The following ALPK3 variants were observed in gnomAD, a reference collection of about 807,000 sequenced individuals.
ALPK3 encodes alpha kinase 3.
Under a neutral mutation model 140.0 loss-of-function variants are expected in ALPK3, and 102 were observed. The ratio of observed to expected loss-of-function variants is 0.73; its 90% CI spans 0.62 to 0.86. The LOEUF is 0.86. Among genes scored for constraint, ALPK3 ranks in the 40% least tolerant of loss-of-function variants. The pLI is 0.00. For missense variants in ALPK3, 2,254 were observed against 2,208.2 expected, an observed-to-expected ratio of 1.02 and a Z score of -0.42; for synonymous variants, 938 against 898.5, an observed-to-expected ratio of 1.04 and a Z score of -0.79.
intron 9 of ALPK3, among the ~76,000 whole-genome samples, 155 bp downstream of exon 9, chr15:84,860,227 G>A (rs1027209822): frequency 1.3e-5 from 2 of 152,156 alleles, no homozygotes; most frequent in African/African-American, 4.8e-5. Context: ...GAGGAGGACT[G>A]CTGTATCAGA....
In ALPK3 at chr15:84,873,077, C is replaced by G. The variant is rs553033588; in HGVS notation, c.*4621C>G. On this transcript the variant is annotated 3_prime_UTR_variant, in exon 14 of 14. Transcript: ENST00000258888. ...GAGCGCCCTATTTTGTTCCTTCTGT[C>G]TATCTCTGTTGCTGAGATCAGGGAG... 6.6e-6 allele frequency: 1 copy of G among 152,300 alleles called. No individual in the cohort carries two copies. The highest frequency in any genetic ancestry group is 1.9e-4 in the East Asian group (1 of 5,182). The allele number at this position is 152,300 out of a possible 1,614,324, so 9.4% of individuals were successfully genotyped here.
Position 84,869,559 on chromosome 15 carries a change from G to C in ALPK3, c.*1103G>C, listed in dbSNP as rs1018362058. ...GGTGGAGGGGAGTCTCTGTGCCTGG[G>C]AATTAGGACCCCTGCTCCAACCATC... On this transcript the variant is annotated 3_prime_UTR_variant, in exon 14 of 14. Transcript: ENST00000258888. 7.9e-5 allele frequency: 12 copies of C among 152,254 alleles called. No individual in the cohort carries two copies. Among genetic ancestry groups the C allele is most frequent in the African/African-American group, 2.9e-4 (12 of 41,422 alleles). The allele number at this position is 152,254 out of a possible 1,614,324, so 9.4% of individuals were successfully genotyped here.
At chr15:84,848,312 A>G (rs35433082) in intron 5 of ALPK3, among the ~76,000 whole-genome samples, 5 of 152,130 alleles carry the variant, frequency 3.3e-5, no homozygotes, top group African/African-American at 1.2e-4. Context: ...TAAGACAAAT[A>G]CAACATAAAG....
chr15:84,840,362 G>C lies in ALPK3; in HGVS notation c.1083G>C (p.Val361=). 5 of 1,613,550 alleles carry C rather than the reference G, an allele frequency of 3.1e-6. No homozygotes were observed. Among genetic ancestry groups the C allele is most frequent in the Non-Finnish European group, 4.2e-6 (5 of 1,179,784 alleles). The part of the protein sequence containing the change: ...EPDSCGTQGP[V]GVEQVQTQPR... ...ACTCCTGTGGGACTCAGGGGCCCGT[G>C]GGCGTGGAGCAGGTTCAGACCCAGC... The change falls in exon 5 of 14, where the codon GTG becomes GTC. Residue 361 remains valine (V), a synonymous_variant. Transcript: ENST00000258888.
Position 84,846,904 on chromosome 15 carries a change from G to A in ALPK3, c.1653+5972G>A, listed in dbSNP as rs1963737290. On this transcript the variant is annotated intron_variant, in intron 5 of 13. Transcript: ENST00000258888. ...CTCAGCCTCCTGAGGGAGTAGCTGG[G>A]ATTACAGACGTGTGCCGCTACACTT... is the stretch of plus-strand genomic sequence containing the variant. Among the ~76,000 whole-genome samples the A allele has an allele frequency of 3.3e-5, 5 of 152,102 alleles. No homozygotes were observed. In the South Asian group the frequency reaches 1.0e-3, roughly 32 times the overall value.
chr15:84,844,849 T>C (rs1297861640), intron 5 of ALPK3, among the ~76,000 whole-genome samples: 3 of 151,184 alleles, frequency 2.0e-5, no homozygotes, highest in Non-Finnish European at 4.4e-5. Context: ...AGAGCGAGAC[T>C]CCGTCTCAAA....
chr15:84,867,490 A>G, intron 13 of ALPK3, 125 bp downstream of exon 13: 1 of 1,085,950 alleles, frequency 9.2e-7, no homozygotes, highest in Non-Finnish European at 1.4e-6. Context: ...AGACACACCC[A>G]TGGCCATGTG....
intron 11 of ALPK3, 96 bp downstream of exon 11, chr15:84,863,736 G>A (rs554299052): frequency 2.0e-5 from 24 of 1,206,146 alleles, no homozygotes; most frequent in Middle Eastern, 2.6e-4. Flanking sequence ...GGCATCCTGC[G>A]TTATGCCCAT....
At position 84,827,546 on chromosome 15, in the gene ALPK3, C is replaced by T. The variant is rs369383271; in HGVS notation, c.245C>T (p.Thr82Met). The T allele has an allele frequency of 1.0e-4, 165 of 1,614,212 alleles. 5 individuals are homozygous for T. The South Asian group carries it at 1.0e-3, about 10-fold the overall frequency. The part of the protein sequence containing the change: ...TEETQPLFET[T>M]LKSRSVSEDS... Reference sequence around the variant, plus strand: ...GAGACCCAGCCGCTATTTGAGACCACGCTCAAGTCCCGGTCTGTGTCCGAG... The same window carrying T: ...GAGACCCAGCCGCTATTTGAGACCATGCTCAAGTCCCGGTCTGTGTCCGAG... The change falls in exon 3 of 14, where the codon ACG (threonine) becomes ATG (methionine). Residue 82 changes from threonine (T) to methionine (M), a missense_variant. By Grantham distance (81) the Thr-to-Met change is moderately conservative. Coordinates refer to ENST00000258888, the MANE Select transcript of ALPK3 (RefSeq NM_020778.5).
Position 84,864,579 on chromosome 15 carries a change from G to C in ALPK3, c.4637G>C (p.Ser1546Thr), listed in dbSNP as rs373750743. The part of the protein sequence containing the change: ...GCAEAPTASG[S>T]SEAMQKCQTF... ...GCTGAGGCTCCGACAGCATCTGGCA[G>C]CTCTGAGGCCATGCAGAAATGCCAG... Residue 1546 changes from serine (S) to threonine (T), a missense_variant, in exon 12 of 14, where the codon AGC (serine) becomes ACC (threonine). Ser to Thr is a moderately conservative substitution (Grantham distance 58). Transcript: ENST00000258888. 4.9e-5 allele frequency: 79 copies of C among 1,614,118 alleles called. No individual in the cohort carries two copies. Among genetic ancestry groups the C allele is most frequent in the Non-Finnish European group, 6.5e-5 (77 of 1,180,056 alleles).
chr15:84,840,287 C>A lies in ALPK3; in HGVS notation c.1008C>A (p.Ala336=), dbSNP rs973211789. The change falls in exon 5 of 14, where the codon GCC becomes GCA. Residue 336 remains alanine (A), a synonymous_variant. Coordinates refer to ENST00000258888, the MANE Select transcript of ALPK3 (RefSeq NM_020778.5). ...GLRKPELEKA[A]QSRRSSENCI... is the part of the protein sequence containing the mutation. ...GGAAGCCAGAGTTAGAGAAGGCAGCCCAAAGCCGCCGTTCTTCAGAAAACT... is the reference window on the plus strand; with the variant it reads ...GGAAGCCAGAGTTAGAGAAGGCAGCACAAAGCCGCCGTTCTTCAGAAAACT... 6.8e-6 allele frequency: 11 copies of A among 1,613,914 alleles called. No individual in the cohort carries two copies. Among genetic ancestry groups the A allele is most frequent in the Non-Finnish European group, 9.3e-6 (11 of 1,180,016 alleles).
chr15:84,859,266 C>T lies in ALPK3; in HGVS notation c.3841C>T (p.Arg1281Trp), dbSNP rs370816513. Residue 1281 changes from arginine (R) to tryptophan (W), a missense_variant, in exon 7 of 14, where the codon CGG (arginine) becomes TGG (tryptophan). This residue lies in a region of ALPK3 where 2,088 missense variants were observed against 2,022.9 expected (regional missense o/e 1.03). Transcript: ENST00000258888. ...AGCCCCACAGGTGATCCGGAAGATT[C>T]GGGTGGAGCAGTTTCCTGATGCCTC... ...LKAPQVIRKI[R>W]VEQFPDASGS... 36 of 1,614,010 alleles carry T rather than the reference C, an allele frequency of 2.2e-5. No individual in the cohort carries two copies. The highest frequency in any genetic ancestry group is 2.7e-5 in the African/African-American group (2 of 74,928).
Position 84,858,450 on chromosome 15 carries a change from C to T in ALPK3, c.3712C>T (p.Leu1238=), listed in dbSNP as rs1408690503. 3.2e-6 allele frequency: 5 copies of T among 1,567,554 alleles called. No individual in the cohort carries two copies. The highest frequency in any genetic ancestry group is 1.9e-5 in the Admixed American group (1 of 52,628). ...AGAGGAGGAGCTGGCGGCAGGAGACCTGGGCCCCAGCCCCAAGGCCGGCGG... is the reference window on the plus strand; with the variant it reads ...AGAGGAGGAGCTGGCGGCAGGAGACTTGGGCCCCAGCCCCAAGGCCGGCGG... ...RAEEELAAGD[L]GPSPKAGGLD... is the part of the protein sequence containing the mutation. The change falls in exon 6 of 14, where the codon CTG becomes TTG. Residue 1238 remains leucine (L), a synonymous_variant. Coordinates refer to ENST00000258888, the MANE Select transcript of ALPK3 (RefSeq NM_020778.5).
rs750379621 is a variant in ALPK3, at chr15:84,856,883, C to T, written c.2145C>T (p.Ser715=). The T allele has an allele frequency of 1.5e-5, 25 of 1,613,896 alleles. No individual in the cohort carries two copies. Among genetic ancestry groups the T allele is most frequent in the East Asian group, 4.5e-5 (2 of 44,874 alleles). Reference sequence around the variant, plus strand: ...AGAAGGGGACGCAGTCAGAGGGGAGCGCGCCCACAGCCATGGAAGGTCAGT... The same window carrying T: ...AGAAGGGGACGCAGTCAGAGGGGAGTGCGCCCACAGCCATGGAAGGTCAGT... ...QGEKGTQSEG[S]APTAMEGQSE... Residue 715 remains serine (S), a synonymous_variant, in exon 6 of 14, where the codon AGC becomes AGT. Coordinates refer to ENST00000258888, the MANE Select transcript of ALPK3 (RefSeq NM_020778.5).
Position 84,821,732 on chromosome 15 carries a change from C to CCT in ALPK3, c.144-1584_144-1583dup, listed in dbSNP as rs140504037. Among the ~76,000 whole-genome samples, 34 of 151,466 alleles carry CCT rather than the reference C, an allele frequency of 2.2e-4. No homozygotes were observed. The South Asian group carries it at 3.8e-3, about 17-fold the overall frequency. ...TACTTTCCTCCTCTTTCTTTTTCTT[C>CCT]CTCTCTCTCTCTCTCCCTTCTATAG... On this transcript the variant is annotated intron_variant, in intron 1 of 13. Coordinates refer to ENST00000258888, the MANE Select transcript of ALPK3 (RefSeq NM_020778.5).
In ALPK3 at chr15:84,867,314, C is replaced by A. The variant is rs781668208; in HGVS notation, c.4724-3C>A. 1 of 1,613,760 alleles carries A rather than the reference C, an allele frequency of 6.2e-7. No individual in the cohort carries two copies. The highest frequency in any genetic ancestry group is 1.3e-5 in the African/African-American group (1 of 74,900). On this transcript the variant is annotated splice_polypyrimidine_tract_variant and splice_region_variant and intron_variant, in intron 12 of 13. Coordinates refer to ENST00000258888, the MANE Select transcript of ALPK3 (RefSeq NM_020778.5). The stretch of plus-strand genomic sequence containing the variant: ...ATCAACTCCCAACTTTCTCTCTTTT[C>A]AGGGGTTGACTGGAAGATGACTGAT...
chr15:84,855,633 CT>C (rs1318448729), intron 5 of ALPK3, among the ~76,000 whole-genome samples: 6 of 152,194 alleles, frequency 3.9e-5, no homozygotes, highest in Non-Finnish European at 8.8e-5. Flanking sequence ...GGCTGCGAAT[CT>C]GAACTCTGCC....
Position 84,857,193 on chromosome 15 carries a change from C to G in ALPK3, c.2455C>G (p.Arg819Gly). ...GGAGCAGGTGGGAGGAGAGAGATGC[C>G]GAGGGCCACAGTCATCAGGCCCAGT... is the stretch of plus-strand genomic sequence containing the variant. ...SVEQVGGERC[R>G]GPQSSGPVEA... The change falls in exon 6 of 14, where the codon CGA becomes GGA. Residue 819 changes from arginine to glycine, a missense_variant. Physicochemically the swap from Arg to Gly is moderately radical, Grantham distance 125. Coordinates refer to ENST00000258888, the MANE Select transcript of ALPK3 (RefSeq NM_020778.5). 3 of 1,613,724 alleles carry G rather than the reference C, an allele frequency of 1.9e-6. No individual in the cohort carries two copies. Among genetic ancestry groups the G allele is most frequent in the Non-Finnish European group, 2.5e-6 (3 of 1,179,848 alleles).
Position 84,844,149 on chromosome 15 carries a change from A to C in ALPK3, c.1653+3217A>C, listed in dbSNP as rs543511109. Among the ~76,000 whole-genome samples the C allele has an allele frequency of 5.9e-5, 9 of 152,284 alleles. No homozygotes were observed. The South Asian group carries it at 1.7e-3, about 28-fold the overall frequency. On this transcript the variant is annotated intron_variant, in intron 5 of 13. Transcript: ENST00000258888. ...GAGGCTGAGGCAGATAATTGCTTGA[A>C]CCTGGGAGGCGGAGGTTGTGGTGAG...
Sources: allele counts gnomAD v4.1 joint callset (sites outside exome capture counted in the v4.1 genomes callset), GRCh38; gene constraint gnomAD v4.1.1; regional missense constraint gnomAD v4.1.1; transcripts MANE v1.5; gene names NCBI Gene and HGNC (gene_info 2026-07-23, HGNC 2026-07-21).